TMEM26: variants seen among roughly 807,000 people sequenced by gnomAD.
The protein encoded by TMEM26 is transmembrane protein 26.
TMEM26 carries 38 observed loss-of-function variants against 28.8 expected under a neutral mutation model. The ratio of observed to expected loss-of-function variants is 1.32; its 90% CI spans 1.02 to 1.73. TMEM26 has a LOEUF of 1.73. TMEM26 is among the 40% of genes most tolerant of loss of function. TMEM26 has a pLI of 0.00. For synonymous variants in TMEM26, 227 were observed against 182.9 expected, an observed-to-expected ratio of 1.24 and a Z score of -1.95; for missense variants, 518 against 447.1, an observed-to-expected ratio of 1.16 and a Z score of -1.43.
chr10:61,452,149 T>G (rs1475040877), intron 1 of TMEM26, among the ~76,000 whole-genome samples: 3 of 152,174 alleles, frequency 2.0e-5, no homozygotes, highest in African/African-American at 7.2e-5. Context: ...ATTATTTGAT[T>G]GCCATTCAAG....
Position 61,417,755 on chromosome 10 carries a change from G to T in TMEM26, c.606-4220C>A, listed in dbSNP as rs376615682. On this transcript the variant is annotated intron_variant, in intron 4 of 5. Coordinates refer to ENST00000399298, the MANE Select transcript of TMEM26 (RefSeq NM_178505.8). ...TTGGGGGGAAAAAAGACTGCACAAA[G>T]TGATCTCCAAAGGTGTGAATGGCCA... is the stretch of plus-strand genomic sequence containing the variant. Among the ~76,000 whole-genome samples the T allele has an allele frequency of 1.1e-4, 17 of 152,058 alleles. No homozygotes were observed. In the East Asian group the frequency reaches 3.1e-3, roughly 28 times the overall value.
At chr10:61,428,784 G>T in intron 4 of TMEM26, 142 bp downstream of exon 4, 1 of 696,258 alleles carries the variant, frequency 1.4e-6, no homozygotes, top group African/African-American at 1.8e-5. Flanking sequence ...TACGTAAACA[G>T]CAGCAAATTC....
rs765887180 is a variant in TMEM26, at chr10:61,453,231, G to T, written c.-150C>A. The T allele has an allele frequency of 1.3e-5, 10 of 773,094 alleles. No individual in the cohort carries two copies. Among genetic ancestry groups the T allele is most frequent in the Non-Finnish European group, 2.0e-5 (10 of 492,584 alleles). 47.9% of individuals were successfully genotyped at this position (773,094 alleles called of 1,614,324 possible). ...TTCTCACCCTCAGCGCCCGATGCCG[G>T]TAGAACTGGTGCGCGGCTCGCCCCT... On this transcript the variant is annotated 5_prime_UTR_variant, in exon 1 of 6. Transcript: ENST00000399298.
At chr10:61,415,575 A>T (rs552147399) in intron 4 of TMEM26, among the ~76,000 whole-genome samples, 1 of 152,216 alleles carries the variant, frequency 6.6e-6, no homozygotes, top group South Asian at 2.1e-4. Context: ...TCAAGGAGGT[A>T]AAAGAGAGTT....
rs1166661109 is a variant in TMEM26, at chr10:61,409,510, A to G, written c.*812T>C. On this transcript the variant is annotated 3_prime_UTR_variant, in exon 6 of 6. Transcript: ENST00000399298. Reference sequence around the variant, plus strand: ...TCCCTGCATCAGCCCACATGATTCAACTTGGCAATATAGAAAATGGTAAAG... The same window carrying G: ...TCCCTGCATCAGCCCACATGATTCAGCTTGGCAATATAGAAAATGGTAAAG... 1.3e-5 allele frequency: 2 copies of G among 152,260 alleles called. No individual in the cohort carries two copies. The highest frequency in any genetic ancestry group is 4.8e-5 in the African/African-American group (2 of 41,454). 9.4% of individuals were successfully genotyped at this position (152,260 alleles called of 1,614,324 possible). A position where few individuals can be genotyped will look rare whatever the true frequency, so the allele number is the denominator to read the frequency against.
At chr10:61,415,020 T>C in intron 4 of TMEM26, 1 of 985,356 alleles carries the variant, frequency 1.0e-6, no homozygotes. Context: ...TTTTGATTCT[T>C]TTCTACTTCA....
At chr10:61,427,187 T>C (rs1839846716) in intron 4 of TMEM26, among the ~76,000 whole-genome samples, 1 of 152,110 alleles carries the variant, frequency 6.6e-6, no homozygotes, top group Admixed American at 6.6e-5. Context: ...TGGGATATGA[T>C]ACAAGTTTAA....
chr10:61,418,374 G>A (rs1441437035), intron 4 of TMEM26, among the ~76,000 whole-genome samples: 2 of 151,958 alleles, frequency 1.3e-5, no homozygotes, highest in Non-Finnish European at 2.9e-5. Flanking sequence ...TAAACAGATG[G>A]CTCCCAGGTC....
At chr10:61,413,200 A>T (rs953778148) in intron 5 of TMEM26, among the ~76,000 whole-genome samples, 1 of 152,084 alleles carries the variant, frequency 6.6e-6, no homozygotes, top group South Asian at 2.1e-4. Flanking sequence ...CTTATAAATC[A>T]TAACTGACGG....
Position 61,431,413 on chromosome 10 carries a change from A to C in TMEM26, c.271-81T>G, listed in dbSNP as rs1249415148. On this transcript the variant is annotated intron_variant, in intron 2 of 5. Transcript: ENST00000399298. Reference sequence around the variant, plus strand: ...AGATCAAAATGACTTAAATCTGTTCAAGAGATTATGAGCAGATATGCAGAG... The same window carrying C: ...AGATCAAAATGACTTAAATCTGTTCCAGAGATTATGAGCAGATATGCAGAG... 1.4e-5 allele frequency: 14 copies of C among 997,174 alleles called. No individual in the cohort carries two copies. The African/African-American group carries it at 2.1e-4, about 15-fold the overall frequency. 61.8% of individuals were successfully genotyped at this position (997,174 alleles called of 1,614,324 possible). A position where few individuals can be genotyped will look rare whatever the true frequency, so the allele number is the denominator to read the frequency against.
intron 1 of TMEM26, among the ~76,000 whole-genome samples, chr10:61,436,903 T>C (rs1020940830): frequency 3.9e-5 from 6 of 152,236 alleles, no homozygotes; most frequent in African/African-American, 1.4e-4. Context: ...ACTTCTGTGA[T>C]CCAACACACT....
intron 4 of TMEM26, among the ~76,000 whole-genome samples, chr10:61,422,718 G>C (rs1427936164): frequency 6.6e-6 from 1 of 151,766 alleles, no homozygotes; most frequent in East Asian, 1.9e-4. Flanking sequence ...AAATATAATA[G>C]AAAATATGAA....
chr10:61,436,458 A>G (rs576401205), intron 1 of TMEM26, among the ~76,000 whole-genome samples: 2 of 152,246 alleles, frequency 1.3e-5, no homozygotes, highest in Non-Finnish European at 2.9e-5. Flanking sequence ...AGTAACTGTA[A>G]AAGGCACTAG....
chr10:61,412,076 G>A (rs1280754383), intron 5 of TMEM26, among the ~76,000 whole-genome samples: 1 of 152,132 alleles, frequency 6.6e-6, no homozygotes, highest in African/African-American at 2.4e-5. Flanking sequence ...GAGAAACCAA[G>A]GTTATATCAA....
intron 2 of TMEM26, among the ~76,000 whole-genome samples, chr10:61,435,233 G>A (rs1185354406): frequency 1.3e-5 from 2 of 152,168 alleles, no homozygotes; most frequent in Admixed American, 6.5e-5. Flanking sequence ...CCAGGCTGGA[G>A]TGCAGTGGTA....
chr10:61,451,130 G>C, intron 1 of TMEM26, among the ~76,000 whole-genome samples: 1 of 152,006 alleles, frequency 6.6e-6, no homozygotes, highest in East Asian at 1.9e-4. Flanking sequence ...TATATCCCCA[G>C]TTCCCTGTAT....
chr10:61,451,759 C>G (rs1205124575), intron 1 of TMEM26, among the ~76,000 whole-genome samples: 1 of 152,098 alleles, frequency 6.6e-6, no homozygotes, highest in African/African-American at 2.4e-5. Context: ...AGAAATTTTT[C>G]AACAGTAGAA....
chr10:61,425,755 T>C (rs1463257772), intron 4 of TMEM26, among the ~76,000 whole-genome samples: 1 of 152,062 alleles, frequency 6.6e-6, no homozygotes, highest in African/African-American at 2.4e-5. Flanking sequence ...TCTACATCCA[T>C]CAGAAGGGTA....
chr10:61,414,520 G>A (rs1012115991), intron 4 of TMEM26: 7 of 152,010 alleles, frequency 4.6e-5, no homozygotes. Context: ...TCAAAACTCT[G>A]AGAGAATTTG....
Sources: allele counts gnomAD v4.1 joint callset (sites outside exome capture counted in the v4.1 genomes callset), GRCh38; gene constraint gnomAD v4.1.1; transcripts MANE v1.5; gene names NCBI Gene and HGNC (gene_info 2026-07-23, HGNC 2026-07-21).